The following LOC400499 variants were observed in gnomAD, a reference collection of about 807,000 sequenced individuals.
the LOC400499 span, among the ~76,000 whole-genome samples, chr16:11,417,420 G>A: frequency 6.6e-6 from 1 of 152,190 alleles, no homozygotes; most frequent in African/African-American, 2.4e-5. Context: ...CATCCAGTGT[G>A]TGGGACTTTG....
the LOC400499 span, among the ~76,000 whole-genome samples, chr16:11,474,502 T>G: frequency 3.3e-5 from 5 of 152,158 alleles, no homozygotes; most frequent in Non-Finnish European, 7.3e-5. Context: ...CATTTTTAAG[T>G]GATTTTGGTT....
chr16:11,493,513 G>A, the LOC400499 span: 3 of 388,688 alleles, frequency 7.7e-6, no homozygotes, highest in South Asian at 2.9e-4. Flanking sequence ...GTTCACACTA[G>A]TACCCAGCCC....
At chr16:11,407,970 GTTTTTTTTTT>G in the LOC400499 span, among the ~76,000 whole-genome samples, 1 of 63,416 alleles carries the variant, frequency 1.6e-5, no homozygotes, top group Admixed American at 2.4e-4. Flanking sequence ...TTCCAGAGCT[GTTTTTTTTTT>G]TTTTTTTTTT....
At chr16:11,460,955 G>A in the LOC400499 span, 965 of 1,524,000 alleles carry the variant, frequency 6.3e-4, no homozygotes, top group Non-Finnish European at 7.7e-4. Context: ...CAGGCACGCA[G>A]TGCCTTACCC....
the LOC400499 span, chr16:11,473,219 A>G: frequency 2.0e-5 from 3 of 151,754 alleles, no homozygotes; most frequent in Admixed American, 6.6e-5. Context: ...TTTTTTCTGT[A>G]TTGTATGTTA....
the LOC400499 span, among the ~76,000 whole-genome samples, chr16:11,502,877 G>T: frequency 6.7e-6 from 1 of 149,366 alleles, no homozygotes; most frequent in African/African-American, 2.5e-5. Flanking sequence ...GCCTTCCAAA[G>T]TGCTGGGATT....
the LOC400499 span, among the ~76,000 whole-genome samples, chr16:11,458,942 C>A: frequency 6.6e-6 from 1 of 151,676 alleles, no homozygotes; most frequent in African/African-American, 2.4e-5. Context: ...GAGGCTGAGG[C>A]TGGAGAATTG....
chr16:11,425,113 C>T, the LOC400499 span: 1 of 398,978 alleles, frequency 2.5e-6, no homozygotes, highest in East Asian at 3.6e-5. Flanking sequence ...CTGCCTGGAC[C>T]ACTCGTCCTA....
At chr16:11,436,024 G>C in the LOC400499 span, 1 of 397,458 alleles carries the variant, frequency 2.5e-6, no homozygotes, top group Non-Finnish European at 4.4e-6. Flanking sequence ...ATTAAGAGGA[G>C]AAATGAGACA....
chr16:11,418,957 G>T, the LOC400499 span, among the ~76,000 whole-genome samples: 1 of 152,304 alleles, frequency 6.6e-6, no homozygotes, highest in South Asian at 2.1e-4. Context: ...CTTGAGGTCA[G>T]GAGTTTGAGA....
chr16:11,520,171 T>C, the LOC400499 span, among the ~76,000 whole-genome samples: 17 of 152,224 alleles, frequency 1.1e-4, no homozygotes, highest in Non-Finnish European at 2.4e-4. Flanking sequence ...AGGGTGGTGA[T>C]GGTTGTACAA....
chr16:11,435,807 C>T, the LOC400499 span: 1 of 399,218 alleles, frequency 2.5e-6, no homozygotes, highest in Non-Finnish European at 4.4e-6. Flanking sequence ...AGAACCAGCT[C>T]CCGGCCAGAC....
At chr16:11,391,209 C>T in the LOC400499 span, among the ~76,000 whole-genome samples, 1 of 152,224 alleles carries the variant, frequency 6.6e-6, no homozygotes, top group South Asian at 2.1e-4. Flanking sequence ...CTGTGCTGTG[C>T]TGGGCATTAG....
chr16:11,398,530 G>C, the LOC400499 span: 1 of 1,231,830 alleles, frequency 8.1e-7, no homozygotes, highest in Non-Finnish European at 1.0e-6. Flanking sequence ...AGGGCCTATG[G>C]GTCAGGGGCT....
At chr16:11,463,429 C>T in the LOC400499 span, among the ~76,000 whole-genome samples, 3 of 141,942 alleles carry the variant, frequency 2.1e-5, no homozygotes, top group African/African-American at 7.4e-5. Context: ...TGTATCTGTA[C>T]ATGGATGTGT....
chr16:11,439,476 G>A, the LOC400499 span: 2 of 399,058 alleles, frequency 5.0e-6, no homozygotes, highest in Non-Finnish European at 8.8e-6. Flanking sequence ...CTCCAAGGGA[G>A]CAACGTCCAC....
chr16:11,501,802 G>A, the LOC400499 span, among the ~76,000 whole-genome samples: 1 of 152,098 alleles, frequency 6.6e-6, no homozygotes, highest in Non-Finnish European at 1.5e-5. Flanking sequence ...CCCTGTCTGG[G>A]GAAGGGAACA....
the LOC400499 span, among the ~76,000 whole-genome samples, chr16:11,397,106 C>T: frequency 4.6e-5 from 7 of 152,186 alleles, no homozygotes; most frequent in African/African-American, 7.2e-5. Context: ...CACTGGAATG[C>T]GCCACCCAGG....
At chr16:11,449,056 G>C in the LOC400499 span, 1 of 1,487,466 alleles carries the variant, frequency 6.7e-7, no homozygotes, top group Non-Finnish European at 9.0e-7. Context: ...GCTGACTCGA[G>C]TTCGCTCCAG....
Sources: gnomAD v4.1 joint callset for allele counts (sites outside exome capture counted in the v4.1 genomes callset) on GRCh38, gnomAD v4.1.1 for gene constraint, MANE v1.5 for transcripts.